Variants in CENPI observed in about 807,000 individuals in gnomAD.
The protein encoded by CENPI is FSH primary response 1.
CENPI carries 4 observed loss-of-function variants against 60.4 expected under a neutral mutation model. That is an observed-to-expected ratio of 0.07 (90% CI 0.03 to 0.15). The LOEUF is 0.15. CENPI is among the 10% of genes least tolerant of loss of function. The pLI, the probability that CENPI is intolerant of heterozygous loss-of-function variation, is 1.00. For missense variants in CENPI, 444 were observed against 534.5 expected (o/e 0.83, Z 1.67); for synonymous variants, 157 against 189.4 (o/e 0.83, Z 1.40).
At chrX:101,160,203 A>G (rs1377784706) in intron 20 of CENPI, among the ~76,000 whole-genome samples, 1 of 110,589 alleles carries the variant, frequency 9.0e-6, no homozygotes, top group African/African-American at 3.3e-5. Context: ...CAGCTTGGGG[A>G]AAAAATCTGG....
In CENPI at chrX:101,127,486, A is replaced by T; in HGVS notation, c.907-12A>T. 1 of 1,147,861 alleles carries T rather than the reference A, an allele frequency of 8.7e-7. No homozygotes were observed. The highest frequency in any genetic ancestry group is 1.2e-6 in the Non-Finnish European group (1 of 858,870). The allele number at this position is 1,147,861 out of a possible 1,213,427, so 94.6% of individuals were successfully genotyped here. ...TAGTCCATTGATAGATTATTTTATT[A>T]TCTTTCTTCAGAAGTGGAATTCTCT... On this transcript the variant is annotated splice_polypyrimidine_tract_variant and intron_variant, in intron 10 of 21. Coordinates refer to ENST00000682095, the MANE Select transcript of CENPI (RefSeq NM_001386188.2).
rs142712015 is a variant in CENPI, at chrX:101,132,281, G to C, written c.1379G>C (p.Ser460Thr). 1 of 1,205,983 alleles carries C rather than the reference G, an allele frequency of 8.3e-7. No individual in the cohort carries two copies. The highest frequency in any genetic ancestry group is 1.7e-5 in the African/African-American group (1 of 57,196). The change falls in exon 14 of 22, where the codon AGC becomes ACC. Residue 460 changes from serine to threonine, a missense_variant. Physicochemically the swap from Ser to Thr is moderately conservative, Grantham distance 58. Transcript: ENST00000682095. ...CGGTCACAGTTCCTTCAGCTTGTGA[G>C]CTGGATTCCTTTTAGTAGCTTCTCT... ...CCRSQFLQLV[S>T]WIPFSSFSEV... is the part of the protein sequence containing the mutation.
rs377233296 is a variant in CENPI, at chrX:101,101,278, G to C, written c.208G>C (p.Val70Leu). 8.4e-7 allele frequency: 1 copy of C among 1,191,573 alleles called. No individual in the cohort carries two copies. The highest frequency in any genetic ancestry group is 1.1e-6 in the Non-Finnish European group (1 of 877,179). ...QAEEDALQMA[V>L]GYFEKGPIKA... ...TGAAGAAGATGCTTTGCAAATGGCAGTGGGATATTTTGAGAAAGGTAAAGG... is the reference window on the plus strand; with the variant it reads ...TGAAGAAGATGCTTTGCAAATGGCACTGGGATATTTTGAGAAAGGTAAAGG... Residue 70 changes from valine (V) to leucine (L), a missense_variant, in exon 3 of 22, where the codon GTG becomes CTG. Transcript: ENST00000682095.
chrX:101,099,183 T>C (rs2089381629), intron 2 of CENPI, among the ~76,000 whole-genome samples: 2 of 110,625 alleles, frequency 1.8e-5, no homozygotes. Context: ...TCCCAGCACT[T>C]TGGGAGGCTG....
chrX:101,103,099 G>C (rs777645784), intron 4 of CENPI, among the ~76,000 whole-genome samples: 162 of 104,153 alleles, frequency 1.6e-3, no homozygotes, highest in Middle Eastern at 6.0e-3. Flanking sequence ...GGTTCAAGCA[G>C]TTCTCTGCCT....
At chrX:101,137,142 G>C (rs1291137460) in intron 15 of CENPI, among the ~76,000 whole-genome samples, 2 of 111,708 alleles carry the variant, frequency 1.8e-5, no homozygotes, top group Non-Finnish European at 3.8e-5. Context: ...CGAACTTCTG[G>C]CTTCAAATGA....
Position 101,143,405 on chromosome X carries a change from C to A in CENPI, c.1566-1659C>A, listed in dbSNP as rs766836455. Among the ~76,000 whole-genome samples, 7 of 111,597 alleles carry A rather than the reference C, an allele frequency of 6.3e-5. No homozygotes were observed. The South Asian group carries it at 2.6e-3, about 42-fold the overall frequency. ...TACCCATAGGTACTGTAAGAGACTC[C>A]ATTCATTGATCCAGGGAGAATATAA... is the stretch of plus-strand genomic sequence containing the variant. On this transcript the variant is annotated intron_variant, in intron 16 of 21. Transcript: ENST00000682095.
chrX:101,144,087 C>CTTTTTTTTTT (rs58858609), intron 16 of CENPI, among the ~76,000 whole-genome samples: 9 of 79,647 alleles, frequency 1.1e-4, no homozygotes, highest in Non-Finnish European at 1.6e-4. Flanking sequence ...TTTTCTTTTT[C>CTTTTTTTTTT]TTTTTTTTTT....
rs527663419 is a variant in CENPI, at chrX:101,148,817, G to A, written c.2094+656G>A. Among the ~76,000 whole-genome samples the A allele has an allele frequency of 1.2e-4, 13 of 111,200 alleles. No individual in the cohort carries two copies. The South Asian group carries it at 5.0e-3, about 42-fold the overall frequency. On this transcript the variant is annotated intron_variant, in intron 20 of 21. Transcript: ENST00000682095. ...TGGACTCAGGATTCCCTTAACAGACGGGAACATTGAGAAATCTAACAAAAT... is the reference window on the plus strand; with the variant it reads ...TGGACTCAGGATTCCCTTAACAGACAGGAACATTGAGAAATCTAACAAAAT...
Position 101,143,771 on chromosome X carries a change from C to T in CENPI, c.1566-1293C>T, listed in dbSNP as rs773610238. Reference sequence around the variant, plus strand: ...CTTAAACTCTTGACCTCAGGTGATCCGCCTGCCTCAGCCTCCCAAAGTGCT... The same window carrying T: ...CTTAAACTCTTGACCTCAGGTGATCTGCCTGCCTCAGCCTCCCAAAGTGCT... On this transcript the variant is annotated intron_variant, in intron 16 of 21. Coordinates refer to ENST00000682095, the MANE Select transcript of CENPI (RefSeq NM_001386188.2). Among the ~76,000 whole-genome samples, 188 of 112,122 alleles carry T rather than the reference C, an allele frequency of 1.7e-3. 2 individuals are homozygous for T. The highest frequency in any genetic ancestry group is 5.6e-3 in the African/African-American group (174 of 30,920).
At chrX:101,109,712 T>C (rs2089531431) in intron 5 of CENPI, 121 bp downstream of exon 5, 1 of 581,584 alleles carries the variant, frequency 1.7e-6, no homozygotes. Flanking sequence ...TTTGGAACAA[T>C]ATATCTTGAT....
chrX:101,135,407 A>G (rs980064475), intron 15 of CENPI, among the ~76,000 whole-genome samples: 1 of 111,513 alleles, frequency 9.0e-6, no homozygotes, highest in African/African-American at 3.3e-5. Flanking sequence ...ATAAAAAAAT[A>G]GAGGGTAGTA....
At chrX:101,177,552 C>G in the CENPI span, among the ~76,000 whole-genome samples, 1 of 111,866 alleles carries the variant, frequency 8.9e-6, no homozygotes, top group African/African-American at 3.2e-5. Context: ...GCAGGGCGCT[C>G]CTCAAGCTCA....
intron 16 of CENPI, among the ~76,000 whole-genome samples, chrX:101,144,089 T>TTC (rs1556405084): frequency 1.0e-5 from 1 of 97,138 alleles, no homozygotes; most frequent in Non-Finnish European, 2.1e-5. Context: ...TTCTTTTTCT[T>TTC]TTTTTTTTTT....
At chrX:101,145,525 T>C (rs1455059676) in intron 17 of CENPI, among the ~76,000 whole-genome samples, 2 of 110,186 alleles carry the variant, frequency 1.8e-5, no homozygotes, top group Non-Finnish European at 3.8e-5. Context: ...AAAAATATCT[T>C]GTTGTTTCTT....
intron 20 of CENPI, among the ~76,000 whole-genome samples, chrX:101,154,580 A>C (rs772581032): frequency 9.0e-6 from 1 of 111,291 alleles, no homozygotes; most frequent in East Asian, 2.8e-4. Context: ...AACTCTGTCT[A>C]AAAAAACAAA....
At chrX:101,112,646 CAG>C (rs2089567401) in intron 6 of CENPI, among the ~76,000 whole-genome samples, 1 of 111,933 alleles carries the variant, frequency 8.9e-6, no homozygotes, top group Non-Finnish European at 1.9e-5. Context: ...CAAAACATAA[CAG>C]AATTAATATA....
chrX:101,151,185 G>A (rs985216614), intron 20 of CENPI, among the ~76,000 whole-genome samples: 4 of 111,659 alleles, frequency 3.6e-5, no homozygotes, highest in South Asian at 7.5e-4. Flanking sequence ...CTTGTGAGAG[G>A]ACTAATTTAC....
intron 4 of CENPI, among the ~76,000 whole-genome samples, chrX:101,102,941 C>T (rs10855450): frequency 0.42 from 42,540 of 100,216 alleles, 7,459 homozygotes; most frequent in Middle Eastern, 0.5. Flanking sequence ...CCGCCTGCCT[C>T]GGCCTCCCAA....
Sources: gnomAD v4.1 joint callset for allele counts (sites outside exome capture counted in the v4.1 genomes callset) on GRCh38, gnomAD v4.1.1 for gene constraint, MANE v1.5 for transcripts, NCBI Gene and HGNC (gene_info 2026-07-23, HGNC 2026-07-21) for gene names.